CACNB2: variants seen among roughly 807,000 people sequenced by gnomAD.
CACNB2 encodes the protein calcium voltage-gated channel auxiliary subunit beta 2.
In CACNB2, 42 loss-of-function variants were observed where a neutral mutation model predicts 73.3. The ratio of observed to expected loss-of-function variants is 0.57; its 90% confidence interval spans 0.45 to 0.74. The LOEUF (loss-of-function observed/expected upper bound fraction) is 0.74. Among genes scored for constraint, CACNB2 ranks in the 30% least tolerant of loss-of-function variants. The pLI, the probability that CACNB2 is intolerant of heterozygous loss-of-function variation, is 0.00. For synonymous variants in CACNB2, 348 were observed against 310.3 expected (o/e 1.12, Z -1.28); for missense variants, 940 against 853.0 (o/e 1.10, Z -1.27).
intron 2 of CACNB2, among the ~76,000 whole-genome samples, chr10:18,396,370 T>C (rs2043714543): frequency 6.6e-6 from 1 of 152,230 alleles, no homozygotes; most frequent in South Asian, 2.1e-4. Flanking sequence ...TGAAAAGAGA[T>C]GACAACACCA....
intron 3 of CACNB2, among the ~76,000 whole-genome samples, chr10:18,457,108 G>T (rs1336691264): frequency 6.6e-6 from 1 of 151,982 alleles, no homozygotes; most frequent in Non-Finnish European, 1.5e-5. Context: ...GTGGGTGTAT[G>T]TTTAGACAGA....
chr10:18,536,121 A>T lies in CACNB2; in HGVS notation c.1227A>T (p.Lys409Asn). Residue 409 changes from lysine to asparagine, a missense_variant, in exon 12 of 14, where the codon AAA becomes AAT. By Grantham distance (94) the Lys-to-Asn change is moderately conservative. Transcript: ENST00000324631. ...TACAGGTTTTACAAAGGTTAATAAAATCTCGAGGGAAATCTCAAGCTAAAC... is the reference window on the plus strand; with the variant it reads ...TACAGGTTTTACAAAGGTTAATAAATTCTCGAGGGAAATCTCAAGCTAAAC... ...SSPKVLQRLI[K>N]SRGKSQAKHL... 6.2e-7 allele frequency: 1 copy of T among 1,609,724 alleles called. No homozygotes were observed. Among genetic ancestry groups the T allele is most frequent in the Non-Finnish European group, 8.5e-7 (1 of 1,176,224 alleles).
intron 2 of CACNB2, among the ~76,000 whole-genome samples, chr10:18,397,844 A>G (rs2043795034): frequency 1.3e-5 from 2 of 152,242 alleles, no homozygotes; most frequent in African/African-American, 2.4e-5. Context: ...CTCTAAGGAT[A>G]AAAGGTGATG....
At chr10:18,242,505 T>A (rs1272782454) in intron 2 of CACNB2, among the ~76,000 whole-genome samples, 1 of 152,156 alleles carries the variant, frequency 6.6e-6, no homozygotes, top group South Asian at 2.1e-4. Context: ...AATAGTAAAC[T>A]GCATTACAAG....
At chr10:18,212,109 T>C (rs906001109) in intron 2 of CACNB2, among the ~76,000 whole-genome samples, 3 of 152,148 alleles carry the variant, frequency 2.0e-5, no homozygotes. Flanking sequence ...ACTCAGTCAA[T>C]CAGTGGGGAA....
At chr10:18,222,407 TACACAC>T in intron 2 of CACNB2, among the ~76,000 whole-genome samples, 1 of 149,904 alleles carries the variant, frequency 6.7e-6, no homozygotes, top group East Asian at 2.0e-4. Flanking sequence ...CACACACACA[TACACAC>T]ACACACACAC....
intron 2 of CACNB2, among the ~76,000 whole-genome samples, chr10:18,202,051 C>T (rs2034904330): frequency 6.6e-6 from 1 of 152,184 alleles, no homozygotes; most frequent in Admixed American, 6.5e-5. Context: ...CTTTCACCAA[C>T]ATTTTACCAG....
chr10:18,409,563 ACT>A (rs1365748665), intron 3 of CACNB2, among the ~76,000 whole-genome samples: 2 of 152,296 alleles, frequency 1.3e-5, no homozygotes, highest in East Asian at 1.9e-4. Context: ...CTGGGCTGAG[ACT>A]CTGTCTGACT....
At chr10:18,174,702 C>A (rs2033477125) in intron 2 of CACNB2, among the ~76,000 whole-genome samples, 1 of 152,076 alleles carries the variant, frequency 6.6e-6, no homozygotes, top group Non-Finnish European at 1.5e-5. Context: ...CCATGCCGGG[C>A]CAAGACATTT....
chr10:18,394,364 G>A (rs16917257), intron 2 of CACNB2, among the ~76,000 whole-genome samples: 5,837 of 152,218 alleles, frequency 0.038, 273 homozygotes, highest in South Asian at 0.12. Context: ...CTTTATGATC[G>A]TTAGAAATGG....
At chr10:18,220,222 T>TAG (rs1564353733) in intron 2 of CACNB2, among the ~76,000 whole-genome samples, 6 of 48,262 alleles carry the variant, frequency 1.2e-4, no homozygotes, top group Admixed American at 4.5e-4. Context: ...TATATATATA[T>TAG]ATATATATAT....
chr10:18,151,782 C>T (rs758894412), intron 2 of CACNB2, among the ~76,000 whole-genome samples: 1 of 152,086 alleles, frequency 6.6e-6, no homozygotes, highest in Non-Finnish European at 1.5e-5. Flanking sequence ...GTTCTTGTGG[C>T]CCAGGGATGT....
chr10:18,431,524 A>T (rs910606438), intron 3 of CACNB2, among the ~76,000 whole-genome samples: 10 of 152,202 alleles, frequency 6.6e-5, no homozygotes, highest in Admixed American at 6.5e-4. Context: ...GAAAATGTCA[A>T]CATAAACACA....
Position 18,540,247 on chromosome 10 carries a change from C to CTAT in CACNB2, c.*525_*527dup. 1 of 173,374 alleles carries CTAT rather than the reference C, an allele frequency of 5.8e-6. No individual in the cohort carries two copies. The highest frequency in any genetic ancestry group is 1.6e-4 in the East Asian group (1 of 6,374). 10.7% of individuals were successfully genotyped at this position (173,374 alleles called of 1,614,324 possible). On this transcript the variant is annotated 3_prime_UTR_variant, in exon 14 of 14. Coordinates refer to ENST00000324631, the MANE Select transcript of CACNB2 (RefSeq NM_201596.3). ...ACAAAGGGGATCATAAAGTTAGAAT[C>CTAT]TATTTTCTATGTACTAGTACTGTGT... is the stretch of plus-strand genomic sequence containing the variant.
chr10:18,320,142 C>G (rs768045448), intron 2 of CACNB2, among the ~76,000 whole-genome samples: 5 of 152,132 alleles, frequency 3.3e-5, no homozygotes, highest in Non-Finnish European at 7.4e-5. Flanking sequence ...AAACTGATAT[C>G]TCACCAGTTC....
chr10:18,273,378 CAAA>C (rs765715402), intron 2 of CACNB2, among the ~76,000 whole-genome samples: 43 of 147,910 alleles, frequency 2.9e-4, no homozygotes, highest in Admixed American at 2.1e-3. Context: ...CAAAACAAAA[CAAA>C]AACAAAACAA....
At chr10:18,358,815 A>G (rs745482342) in intron 2 of CACNB2, among the ~76,000 whole-genome samples, 41 of 152,344 alleles carry the variant, frequency 2.7e-4, no homozygotes, top group Non-Finnish European at 4.9e-4. Context: ...CTGAAAATAA[A>G]TAACTTGGTT....
At chr10:18,328,508 C>G (rs949774057) in intron 2 of CACNB2, among the ~76,000 whole-genome samples, 5 of 152,108 alleles carry the variant, frequency 3.3e-5, no homozygotes, top group Non-Finnish European at 7.4e-5. Flanking sequence ...TAAGTATAAC[C>G]ACTATTATAC....
rs757116158 is a variant in CACNB2 at position 18,177,086 on chromosome 10, C to T, written c.213+26111C>T. Among the ~76,000 whole-genome samples the T allele has an allele frequency of 2.8e-4, 42 of 152,136 alleles. No individual in the cohort carries two copies. In the Middle Eastern group the frequency reaches 0.014, roughly 49 times the overall value. On this transcript the variant is annotated intron_variant, in intron 2 of 13. Transcript: ENST00000324631. ...AACCCTAAGGCTGGGGTTTAGGTTG[C>T]AAAGACATTTAGCAAGGAGAACATA...
Sources: gnomAD v4.1 joint callset for allele counts (sites outside exome capture counted in the v4.1 genomes callset) on GRCh38, gnomAD v4.1.1 for gene constraint, MANE v1.5 for transcripts, NCBI Gene and HGNC (gene_info 2026-07-23, HGNC 2026-07-21) for gene names.